The following TENM3 variants were observed in gnomAD, a reference collection of about 807,000 sequenced individuals.
TENM3 encodes the protein teneurin-3.
TENM3 carries 63 observed loss-of-function variants against 255.1 expected under a neutral mutation model. That is an observed-to-expected ratio of 0.25 (90% confidence interval 0.20 to 0.30). TENM3 has a LOEUF of 0.30. Among genes scored for constraint, TENM3 ranks in the 10% least tolerant of loss-of-function variants. The probability of loss-of-function intolerance (pLI) is 1.00; values close to 1 mark genes in which losing one functional copy is unlikely to be tolerated. For missense variants in TENM3, 2,929 were observed against 3,461.1 expected, an observed-to-expected ratio of 0.85 and a Z score of 3.86; for synonymous variants, 1,306 against 1,322.3, an observed-to-expected ratio of 0.99 and a Z score of 0.27.
At chr4:181,905,996 C>T in the TENM3 span, 40 of 490,448 alleles carry the variant, frequency 8.2e-5, no homozygotes, top group African/African-American at 7.1e-4. Flanking sequence ...CTCAATTTCT[C>T]ATGCTTTTCA....
chr4:182,466,798 C>T (rs943036067), intron 3 of TENM3, among the ~76,000 whole-genome samples: 1 of 148,726 alleles, frequency 6.7e-6, no homozygotes, highest in African/African-American at 2.5e-5. Context: ...TTCCAACTTA[C>T]TACAGAGGAA....
At chr4:181,524,832 C>T in the TENM3 span, among the ~76,000 whole-genome samples, 9 of 152,230 alleles carry the variant, frequency 5.9e-5, no homozygotes, top group African/African-American at 1.9e-4. Flanking sequence ...GAATTTTGCG[C>T]GGTTCCTTTC....
intron 3 of TENM3, among the ~76,000 whole-genome samples, chr4:182,442,276 T>C (rs939713798): frequency 1.7e-4 from 26 of 152,222 alleles, no homozygotes; most frequent in Admixed American, 3.9e-4. Flanking sequence ...TCTAAATTTA[T>C]TTGTCAATAA....
At chr4:182,400,306 C>CCT (rs756647312) in intron 3 of TENM3, among the ~76,000 whole-genome samples, 16 of 152,130 alleles carry the variant, frequency 1.1e-4, no homozygotes, top group Non-Finnish European at 2.2e-4. Context: ...AGAGTTATTT[C>CCT]TTCAACATTT....
chr4:182,762,951 C>CCA (rs1763331125), intron 22 of TENM3, among the ~76,000 whole-genome samples: 1 of 151,870 alleles, frequency 6.6e-6, no homozygotes, highest in African/African-American at 2.4e-5. Flanking sequence ...TCCTAGACTT[C>CCA]AAGTTCATCC....
At chr4:181,982,200 A>T in the TENM3 span, among the ~76,000 whole-genome samples, 1 of 152,176 alleles carries the variant, frequency 6.6e-6, no homozygotes, top group African/African-American at 2.4e-5. Flanking sequence ...CAGAGGAAGG[A>T]ATTTCAGCGG....
Position 182,611,964 on chromosome 4 carries a change from A to C in TENM3, c.749+10803A>C, listed in dbSNP as rs375975474. On this transcript the variant is annotated intron_variant, in intron 4 of 27. Coordinates refer to ENST00000511685, the MANE Select transcript of TENM3 (RefSeq NM_001080477.4). ...GCTGTGAGATACCTTGTTAACCTTTATGTGGTTAAAAAAGATTTTCAGGCC... is the reference window on the plus strand; with the variant it reads ...GCTGTGAGATACCTTGTTAACCTTTCTGTGGTTAAAAAAGATTTTCAGGCC... 9.2e-5 allele frequency among the ~76,000 whole-genome samples: 14 copies of C among 152,180 alleles called. No homozygotes were observed. In the East Asian group the frequency reaches 2.1e-3, roughly 23 times the overall value.
the TENM3 span, among the ~76,000 whole-genome samples, chr4:182,096,559 G>A: frequency 2.0e-5 from 3 of 152,158 alleles, no homozygotes; most frequent in African/African-American, 7.2e-5. Context: ...ACAATTAGCA[G>A]CAATGGATGC....
chr4:182,454,119 A>T (rs1340937177), intron 3 of TENM3, among the ~76,000 whole-genome samples: 1 of 152,180 alleles, frequency 6.6e-6, no homozygotes, highest in Non-Finnish European at 1.5e-5. Flanking sequence ...GGTTAAATGC[A>T]TTATCATCTT....
chr4:181,630,080 C>T, the TENM3 span, among the ~76,000 whole-genome samples: 3 of 152,150 alleles, frequency 2.0e-5, no homozygotes, highest in Non-Finnish European at 4.4e-5. Flanking sequence ...GTGTATGTGT[C>T]GAGGAATTTA....
intron 3 of TENM3, among the ~76,000 whole-genome samples, chr4:182,490,137 C>A (rs1478173258): frequency 6.6e-6 from 1 of 152,154 alleles, no homozygotes; most frequent in Admixed American, 6.5e-5. Flanking sequence ...CTCATGACCA[C>A]CGTTCGGACA....
chr4:181,673,177 C>G, the TENM3 span, among the ~76,000 whole-genome samples: 17 of 152,186 alleles, frequency 1.1e-4, no homozygotes, highest in African/African-American at 4.1e-4. Context: ...CTGTTTTATG[C>G]GTATACCTAT....
the TENM3 span, among the ~76,000 whole-genome samples, chr4:181,840,973 G>A: frequency 2.0e-5 from 3 of 152,114 alleles, no homozygotes; most frequent in Admixed American, 1.3e-4. Flanking sequence ...TTAAAGTTTT[G>A]TAAGTTTTCT....
chr4:181,600,831 A>G, the TENM3 span, among the ~76,000 whole-genome samples: 2 of 151,652 alleles, frequency 1.3e-5, no homozygotes, highest in African/African-American at 4.8e-5. Flanking sequence ...AATGTCTTAT[A>G]GTACCAAAAA....
At chr4:182,340,523 C>G (rs967527841) in intron 2 of TENM3, among the ~76,000 whole-genome samples, 4 of 152,014 alleles carry the variant, frequency 2.6e-5, no homozygotes, top group African/African-American at 9.7e-5. Context: ...TTTTGTAGGG[C>G]CTTATGAATA....
the TENM3 span, among the ~76,000 whole-genome samples, chr4:181,622,913 TAC>T: frequency 3.2e-4 from 49 of 152,220 alleles, 1 homozygote; most frequent in South Asian, 9.5e-3. Flanking sequence ...TTAACTGAGG[TAC>T]ACACATTACT....
intron 1 of TENM3, among the ~76,000 whole-genome samples, chr4:182,203,718 C>G (rs959069636): frequency 2.6e-5 from 4 of 152,146 alleles, no homozygotes; most frequent in African/African-American, 7.2e-5. Flanking sequence ...GAGGGATTTG[C>G]TACAGTTCTT....
intron 1 of TENM3, among the ~76,000 whole-genome samples, chr4:182,158,587 C>G (rs1322091260): frequency 6.6e-6 from 1 of 152,084 alleles, no homozygotes; most frequent in African/African-American, 2.4e-5. Flanking sequence ...AAGCAGAAAC[C>G]TAGGCTGCCG....
In TENM3 at chr4:182,679,715, A is replaced by G. The variant is rs1030486233; in HGVS notation, c.1376A>G (p.Gln459Arg). Residue 459 changes from glutamine to arginine, a missense_variant, in exon 8 of 28, where the codon CAG becomes CGG. Physicochemically the swap from Gln to Arg is conservative, Grantham distance 43. This residue lies in a region of TENM3 where 1,608 missense variants were observed against 1,884.4 expected (regional missense o/e 0.85). Transcript: ENST00000511685. ...LDGSRLIARE[Q>R]RSLLETERAG... ...GGCAGCAGGCTGATTGCCAGAGAGC[A>G]GCGGAGCCTGCTTGAGACGGAGAGA... 1 of 1,613,434 alleles carries G rather than the reference A, an allele frequency of 6.2e-7. No individual in the cohort carries two copies. Among genetic ancestry groups the G allele is most frequent in the African/African-American group, 1.3e-5 (1 of 74,922 alleles).
Sources: allele counts gnomAD v4.1 joint callset (sites outside exome capture counted in the v4.1 genomes callset), GRCh38; gene constraint gnomAD v4.1.1; regional missense constraint gnomAD v4.1.1; transcripts MANE v1.5; gene names NCBI Gene and HGNC (gene_info 2026-07-23, HGNC 2026-07-21).